Variants in PLEKHA5 observed in about 807,000 individuals in gnomAD.
The protein encoded by PLEKHA5 is pleckstrin homology domain-containing family A member 5.
A neutral mutation model predicts 181.9 loss-of-function variants in PLEKHA5; 55 were observed. That is an observed-to-expected ratio of 0.30 (90% CI 0.24 to 0.38). PLEKHA5 has a LOEUF of 0.38. Among genes scored for constraint, PLEKHA5 ranks in the 10% least tolerant of loss-of-function variants. The pLI is 1.00. For missense variants in PLEKHA5, 1,432 were observed against 1,549.5 expected (o/e 0.92, Z 1.27); for synonymous variants, 535 against 529.4 (o/e 1.01, Z -0.15).
intron 15 of PLEKHA5, among the ~76,000 whole-genome samples, chr12:19,302,540 C>T (rs2081814511): frequency 1.3e-5 from 2 of 152,222 alleles, no homozygotes; most frequent in Admixed American, 6.5e-5. Context: ...GGATTACAGG[C>T]GCCCACCACC....
At chr12:19,332,515 AT>A (rs2092947677) in intron 20 of PLEKHA5, among the ~76,000 whole-genome samples, 1 of 152,130 alleles carries the variant, frequency 6.6e-6, no homozygotes, top group Middle Eastern at 3.4e-3. Context: ...GTATTGCTAC[AT>A]TGCCCAGATG....
chr12:19,204,906 T>A (rs2055064060), intron 3 of PLEKHA5, among the ~76,000 whole-genome samples: 1 of 152,160 alleles, frequency 6.6e-6, no homozygotes, highest in Non-Finnish European at 1.5e-5. Flanking sequence ...AAGGATAGTT[T>A]ATAGTTTGTT....
At chr12:19,148,430 T>C (rs1018867095) in intron 3 of PLEKHA5, among the ~76,000 whole-genome samples, 4 of 152,230 alleles carry the variant, frequency 2.6e-5, no homozygotes, top group African/African-American at 9.6e-5. Context: ...CACGTACTGC[T>C]GGCTGACACA....
intron 3 of PLEKHA5, among the ~76,000 whole-genome samples, chr12:19,226,795 C>T (rs997955865): frequency 6.6e-6 from 1 of 152,110 alleles, no homozygotes; most frequent in African/African-American, 2.4e-5. Context: ...ACTGAATGTG[C>T]TCTGTTATTT....
At position 19,354,011 on chromosome 12, in the gene PLEKHA5, C is replaced by G; in HGVS notation, c.3138+9C>G. The G allele has an allele frequency of 3.1e-6, 4 of 1,287,474 alleles. No homozygotes were observed. The highest frequency in any genetic ancestry group is 4.5e-6 in the Non-Finnish European group (4 of 887,304). The allele number at this position is 1,287,474 out of a possible 1,614,324, so 79.8% of individuals were successfully genotyped here. ...TGATGGATCTAAGAACGGTATTTAA[C>G]TGGAAATTAATCTTCTAGGAAGATT... On this transcript the variant is annotated intron_variant, in intron 26 of 31. Coordinates refer to ENST00000429027, the MANE Select transcript of PLEKHA5 (RefSeq NM_001256470.2).
chr12:19,145,684 G>A (rs973057004), intron 3 of PLEKHA5, among the ~76,000 whole-genome samples: 1 of 150,954 alleles, frequency 6.6e-6, no homozygotes, highest in Non-Finnish European at 1.5e-5. Flanking sequence ...TATTTCCCCC[G>A]CCCCCTGCCC....
At chr12:19,157,216 A>C (rs76258944) in intron 3 of PLEKHA5, among the ~76,000 whole-genome samples, 2,218 of 152,252 alleles carry the variant, frequency 0.015, 29 homozygotes, top group Middle Eastern at 0.078. Flanking sequence ...ACAAAGAAAA[A>C]GTTTTAAAAA....
At chr12:19,306,898 C>A in intron 15 of PLEKHA5, 1 of 811,414 alleles carries the variant, frequency 1.2e-6, no homozygotes, top group Non-Finnish European at 2.1e-6. Context: ...AGGCTTGTCT[C>A]TGTTGGCACC....
chr12:19,130,210 C>A lies in PLEKHA5; in HGVS notation c.169+80C>A. On this transcript the variant is annotated intron_variant, in intron 2 of 31. Transcript: ENST00000429027. The surrounding 1 kb of genome is among the most constrained non-coding windows in gnomAD (Gnocchi z 4.5). ...GGGCCGCCCGGCTCCCCGCAACCTG[C>A]CCCGCGCCGCGGGCCCCGGGAGGCG... is the stretch of plus-strand genomic sequence containing the variant. 2.5e-6 allele frequency: 2 copies of A among 807,288 alleles called. No individual in the cohort carries two copies. Among genetic ancestry groups the A allele is most frequent in the Non-Finnish European group, 1.7e-6 (1 of 586,806 alleles). 50.0% of individuals were successfully genotyped at this position (807,288 alleles called of 1,614,324 possible).
intron 3 of PLEKHA5, chr12:19,154,208 C>G (rs1294222093): frequency 6.6e-6 from 1 of 152,056 alleles, no homozygotes; most frequent in Non-Finnish European, 1.5e-5. Flanking sequence ...ATTACCTACT[C>G]TAATTTTTTT....
intron 15 of PLEKHA5, among the ~76,000 whole-genome samples, chr12:19,294,928 A>G (rs1167249770): frequency 6.6e-6 from 1 of 152,192 alleles, no homozygotes; most frequent in Non-Finnish European, 1.5e-5. Context: ...AAAAATAACA[A>G]TAGATATACT....
chr12:19,319,300 G>A (rs1191237518), intron 16 of PLEKHA5, among the ~76,000 whole-genome samples: 1 of 152,154 alleles, frequency 6.6e-6, no homozygotes, highest in Non-Finnish European at 1.5e-5. Context: ...TCATTTGCAT[G>A]AGGTATGTGA....
intron 6 of PLEKHA5, among the ~76,000 whole-genome samples, chr12:19,260,448 A>AAC (rs2152604262): frequency 6.6e-6 from 1 of 152,284 alleles, no homozygotes; most frequent in Non-Finnish European, 1.5e-5. Flanking sequence ...ATTTTCGGAG[A>AAC]CCAGTCTAGT....
At chr12:19,307,558 G>GA (rs1331307228) in intron 15 of PLEKHA5, 1 of 322,978 alleles carries the variant, frequency 3.1e-6, no homozygotes, top group Non-Finnish European at 6.2e-6. Flanking sequence ...AAAGAAAAAA[G>GA]AAGGCATTCA....
intron 11 of PLEKHA5, among the ~76,000 whole-genome samples, chr12:19,279,659 CAA>C (rs747823499): frequency 2.3e-5 from 3 of 131,182 alleles, no homozygotes; most frequent in African/African-American, 5.6e-5. Context: ...GACTCCATCT[CAA>C]AAAAAAAAAA....
At chr12:19,203,756 G>C (rs1017600555) in intron 3 of PLEKHA5, among the ~76,000 whole-genome samples, 2 of 152,074 alleles carry the variant, frequency 1.3e-5, no homozygotes, top group African/African-American at 4.8e-5. Flanking sequence ...AGCAGAGATA[G>C]TTGTACTCAT....
At chr12:19,162,174 C>T (rs555102391) in intron 3 of PLEKHA5, among the ~76,000 whole-genome samples, 2 of 152,096 alleles carry the variant, frequency 1.3e-5, no homozygotes, top group African/African-American at 2.4e-5. Context: ...CCTTTGATTC[C>T]CTGGATTCCA....
At chr12:19,345,688 A>T (rs2094286168) in intron 22 of PLEKHA5, among the ~76,000 whole-genome samples, 154 bp from the exon 23 acceptor site, 2 of 151,882 alleles carry the variant, frequency 1.3e-5, no homozygotes, top group Admixed American at 1.3e-4. Flanking sequence ...GCTTGAACCC[A>T]GGAGGCGGAG....
chr12:19,134,037 G>A (rs934520468), intron 3 of PLEKHA5, among the ~76,000 whole-genome samples: 1 of 152,058 alleles, frequency 6.6e-6, no homozygotes, highest in South Asian at 2.1e-4. Flanking sequence ...AAAAACAGAG[G>A]TAACATTTCA....
Sources: gnomAD v4.1 joint callset for allele counts (sites outside exome capture counted in the v4.1 genomes callset) on GRCh38, gnomAD v4.1.1 for gene constraint, Gnocchi (gnomAD v3.1) non-coding constraint, MANE v1.5 for transcripts, NCBI Gene and HGNC (gene_info 2026-07-23, HGNC 2026-07-21) for gene names.